The following ZBTB20 variants were observed in gnomAD, a reference collection of about 807,000 sequenced individuals.
ZBTB20 encodes the protein zinc finger and BTB domain-containing protein 20.
In ZBTB20, 9 loss-of-function variants were observed where a neutral mutation model predicts 56.9. The ratio of observed to expected loss-of-function variants is 0.16; its 90% CI spans 0.10 to 0.28. ZBTB20 has a LOEUF of 0.28. Ranked by LOEUF, ZBTB20 falls within the 10% of genes least tolerant of loss-of-function variation. The probability of loss-of-function intolerance (pLI) is 1.00; values close to 1 mark genes in which losing one functional copy is unlikely to be tolerated. For synonymous variants in ZBTB20, 417 were observed against 420.7 expected (o/e 0.99, Z 0.11); for missense variants, 655 against 1,003.0 (o/e 0.65, Z 4.69).
At chr3:115,070,988 T>C (rs1417944209) in intron 2 of ZBTB20, among the ~76,000 whole-genome samples, 2 of 147,518 alleles carry the variant, frequency 1.4e-5, no homozygotes, top group Non-Finnish European at 3.0e-5. Flanking sequence ...TATCCTTTTC[T>C]GAAAAAAAAA....
In ZBTB20 at chr3:114,321,211, T is replaced by C. The variant is rs1303584834; in HGVS notation, c.*17794A>G. ...TTCTAGTAACATATAATATATGAGA[T>C]GAAATATAATTCTGTTAGAGAGGAC... On this transcript the variant is annotated 3_prime_UTR_variant, in exon 12 of 12. Coordinates refer to ENST00000675478, the MANE Select transcript of ZBTB20 (RefSeq NM_001348800.3). 1 of 152,224 alleles carries C rather than the reference T, an allele frequency of 6.6e-6. No individual in the cohort carries two copies. The highest frequency in any genetic ancestry group is 1.5e-5 in the Non-Finnish European group (1 of 68,050). The allele number at this position is 152,224 out of a possible 1,614,324, so 9.4% of individuals were successfully genotyped here. A position where few individuals can be genotyped will look rare whatever the true frequency, so the allele number is the denominator to read the frequency against.
chr3:114,985,246 T>C (rs1043006471), intron 2 of ZBTB20, among the ~76,000 whole-genome samples: 1 of 152,108 alleles, frequency 6.6e-6, no homozygotes, highest in African/African-American at 2.4e-5. Flanking sequence ...TAGATCTGAG[T>C]AACGAATAAA....
intron 2 of ZBTB20, among the ~76,000 whole-genome samples, chr3:115,007,852 C>T (rs570168169): frequency 1.3e-4 from 20 of 151,924 alleles, no homozygotes; most frequent in African/African-American, 4.8e-4. Flanking sequence ...TACTTTATAT[C>T]TCAGATGTTT....
chr3:114,452,769 T>G (rs1184631126), intron 7 of ZBTB20, among the ~76,000 whole-genome samples: 1 of 152,190 alleles, frequency 6.6e-6, no homozygotes, highest in Non-Finnish European at 1.5e-5. Flanking sequence ...AGAAAAGAGT[T>G]TCTGATTCTT....
chr3:115,030,989 C>G (rs1239453213), intron 2 of ZBTB20, among the ~76,000 whole-genome samples: 2 of 151,410 alleles, frequency 1.3e-5, no homozygotes, highest in Non-Finnish European at 3.0e-5. Flanking sequence ...TTCTATACAG[C>G]TTTAAGTAAT....
chr3:115,030,232 C>T (rs1435381560), intron 2 of ZBTB20, among the ~76,000 whole-genome samples: 3 of 150,890 alleles, frequency 2.0e-5, no homozygotes, highest in Admixed American at 2.0e-4. Context: ...AGAGATCCTC[C>T]TTCCTTCCCT....
intron 5 of ZBTB20, among the ~76,000 whole-genome samples, chr3:114,744,060 A>G (rs1400869413): frequency 2.0e-5 from 3 of 152,226 alleles, no homozygotes; most frequent in Non-Finnish European, 4.4e-5. Context: ...CAAACTGTTA[A>G]GGTACCAACC....
rs146707158 is a variant in ZBTB20 at position 115,111,490 on chromosome 3, CTAAAG to C, written c.-703+35724_-703+35728del. Among the ~76,000 whole-genome samples the C allele has an allele frequency of 3.5e-4, 54 of 152,230 alleles. No individual in the cohort carries two copies. The East Asian group carries it at 8.7e-3, about 24-fold the overall frequency. ...TTAATAAAATTCATGTAACTTTTGTCTAAAGTAATTAAAATTCTCTCCCTAGTATT... is the reference window on the plus strand; with the variant it reads ...TTAATAAAATTCATGTAACTTTTGTCTAATTAAAATTCTCTCCCTAGTATT... On this transcript the variant is annotated intron_variant, in intron 1 of 11. Transcript: ENST00000675478.
intron 7 of ZBTB20, among the ~76,000 whole-genome samples, chr3:114,391,717 T>C (rs1017138412): frequency 7.9e-5 from 12 of 152,188 alleles, no homozygotes; most frequent in African/African-American, 1.7e-4. Flanking sequence ...CCTTGAGTCA[T>C]AGAAACGGGG....
At chr3:114,940,339 A>G (rs1179916176) in intron 3 of ZBTB20, among the ~76,000 whole-genome samples, 1 of 146,242 alleles carries the variant, frequency 6.8e-6, no homozygotes, top group South Asian at 2.1e-4. Flanking sequence ...ATGTAATTGC[A>G]ATTTGATTAA....
intron 1 of ZBTB20, among the ~76,000 whole-genome samples, chr3:115,088,439 T>G (rs1404387858): frequency 6.6e-6 from 1 of 151,722 alleles, no homozygotes; most frequent in Non-Finnish European, 1.5e-5. Context: ...AAATGAACCT[T>G]TTAATACATA....
intron 5 of ZBTB20, among the ~76,000 whole-genome samples, chr3:114,700,598 A>C (rs1307714066): frequency 6.6e-6 from 1 of 152,090 alleles, no homozygotes; most frequent in African/African-American, 2.4e-5. Context: ...TCCATTCTAC[A>C]TTATTGATAT....
intron 6 of ZBTB20, among the ~76,000 whole-genome samples, chr3:114,579,626 T>C (rs1406702863): frequency 1.3e-5 from 2 of 151,332 alleles, no homozygotes; most frequent in Admixed American, 6.6e-5. Flanking sequence ...ATAAAGTAGA[T>C]AAGCAGAATC....
At chr3:115,133,533 C>T (rs1391064998) in intron 1 of ZBTB20, among the ~76,000 whole-genome samples, 1 of 152,166 alleles carries the variant, frequency 6.6e-6, no homozygotes, top group East Asian at 1.9e-4. Context: ...AGTCACTCCC[C>T]ATTTTTCCTT....
chr3:114,356,101 A>C (rs975976046), intron 10 of ZBTB20: 2 of 152,212 alleles, frequency 1.3e-5, no homozygotes, highest in Non-Finnish European at 2.9e-5. Flanking sequence ...AAAACATGGA[A>C]GGAATTGCAG....
At chr3:114,820,194 T>C (rs1446230472) in intron 4 of ZBTB20, among the ~76,000 whole-genome samples, 1 of 151,846 alleles carries the variant, frequency 6.6e-6, no homozygotes, top group Non-Finnish European at 1.5e-5. Context: ...GTAGGAGAAA[T>C]AATAGTGGAA....
In ZBTB20 at chr3:114,316,361, A is replaced by G; in HGVS notation, c.*22644T>C. 2.4e-6 allele frequency: 1 copy of G among 413,548 alleles called. No individual in the cohort carries two copies. Among genetic ancestry groups the G allele is most frequent in the South Asian group, 1.9e-5 (1 of 53,648 alleles). The allele number at this position is 413,548 out of a possible 1,614,324, so 25.6% of individuals were successfully genotyped here. A position where few individuals can be genotyped will look rare whatever the true frequency, so the allele number is the denominator to read the frequency against. The stretch of plus-strand genomic sequence containing the variant: ...GTTTTTATTTTTTGTGATCTGTTGC[A>G]AGAGTCCAACCTTGTTTCCTCTGCT... On this transcript the variant is annotated 3_prime_UTR_variant, in exon 12 of 12. Transcript: ENST00000675478.
chr3:114,624,981 C>T (rs751898419), intron 6 of ZBTB20: 1 of 152,766 alleles, frequency 6.5e-6, no homozygotes, highest in Middle Eastern at 3.4e-3. Context: ...AGTCCTTCGA[C>T]TCCTGTCCAC....
chr3:115,085,838 T>C (rs2082966036), intron 1 of ZBTB20, among the ~76,000 whole-genome samples: 1 of 151,914 alleles, frequency 6.6e-6, no homozygotes, highest in African/African-American at 2.4e-5. Flanking sequence ...AATTTTTTTA[T>C]GGTCTTTTTG....
Sources: allele counts gnomAD v4.1 joint callset (sites outside exome capture counted in the v4.1 genomes callset), GRCh38; gene constraint gnomAD v4.1.1; transcripts MANE v1.5; gene names NCBI Gene and HGNC (gene_info 2026-07-23, HGNC 2026-07-21).